The following XKR6 variants were observed in gnomAD, a reference collection of about 807,000 sequenced individuals.
The protein encoded by XKR6 is XK related 6, also known as XK-related protein 6.
XKR6 carries 22 observed loss-of-function variants against 56.7 expected under a neutral mutation model. The observed-to-expected ratio is 0.39, with a 90% CI of 0.28 to 0.55. The LOEUF is 0.55. Among genes scored for constraint, XKR6 ranks in the 20% least tolerant of loss-of-function variants. XKR6 has a pLI of 0.66. For missense variants in XKR6, 852 were observed against 889.0 expected (o/e 0.96, Z 0.53); for synonymous variants, 524 against 387.8 (o/e 1.35, Z -4.13).
intron 1 of XKR6, among the ~76,000 whole-genome samples, chr8:11,122,604 T>G (rs959561852): frequency 6.6e-6 from 1 of 152,250 alleles, no homozygotes; most frequent in African/African-American, 2.4e-5. Flanking sequence ...AATAAGATAT[T>G]CTTTAGATAT....
chr8:11,035,233 C>T (rs768215162), intron 1 of XKR6: 8 of 534,646 alleles, frequency 1.5e-5, no homozygotes, highest in African/African-American at 3.8e-5. Flanking sequence ...ACGATGACAA[C>T]GATGACGTAG....
intron 1 of XKR6, among the ~76,000 whole-genome samples, chr8:10,925,927 C>T (rs1253118871): frequency 2.6e-5 from 4 of 152,154 alleles, no homozygotes; most frequent in South Asian, 2.1e-4. Flanking sequence ...GTGGACAGGG[C>T]TCACCCAGAA....
At chr8:11,086,307 C>A (rs909186250) in intron 1 of XKR6, among the ~76,000 whole-genome samples, 3 of 152,054 alleles carry the variant, frequency 2.0e-5, no homozygotes, top group Non-Finnish European at 4.4e-5. Flanking sequence ...TTGGCCTGAC[C>A]TGCAGGACAT....
chr8:10,945,963 A>T (rs541924520), intron 1 of XKR6, among the ~76,000 whole-genome samples: 1 of 151,958 alleles, frequency 6.6e-6, no homozygotes, highest in African/African-American at 2.4e-5. Flanking sequence ...ACTATATTTG[A>T]TTCCTCTCTA....
intron 1 of XKR6, among the ~76,000 whole-genome samples, chr8:11,151,692 CA>C (rs1443403158): frequency 6.6e-6 from 1 of 150,820 alleles, no homozygotes; most frequent in African/African-American, 2.4e-5. Flanking sequence ...AGTCTTTGAA[CA>C]AGTTTTTTTT....
At chr8:11,141,865 G>C (rs1303915123) in intron 1 of XKR6, among the ~76,000 whole-genome samples, 1 of 152,138 alleles carries the variant, frequency 6.6e-6, no homozygotes, top group African/African-American at 2.4e-5. Context: ...GTGGAGTAGG[G>C]AGCGGGGAGT....
Position 10,924,834 on chromosome 8 carries a change from C to T in XKR6, c.765-4G>A, listed in dbSNP as rs750695601. On this transcript the variant is annotated splice_polypyrimidine_tract_variant and splice_region_variant and intron_variant, in intron 1 of 2. Transcript: ENST00000416569. ...CAGGTACATGGTGCGGATATACCTG[C>T]CCAGAGAGATGGGGAGAACACAGAG... is the stretch of plus-strand genomic sequence containing the variant. 5.6e-6 allele frequency: 9 copies of T among 1,610,380 alleles called. No individual in the cohort carries two copies. Among genetic ancestry groups the T allele is most frequent in the Non-Finnish European group, 7.6e-6 (9 of 1,177,700 alleles).
At chr8:10,971,722 A>T (rs759809953) in intron 1 of XKR6, among the ~76,000 whole-genome samples, 1 of 152,124 alleles carries the variant, frequency 6.6e-6, no homozygotes. Flanking sequence ...TGGGGACACT[A>T]AAGTCCCAAA....
intron 1 of XKR6, among the ~76,000 whole-genome samples, chr8:11,142,599 C>A (rs1800763005): frequency 6.6e-6 from 1 of 152,148 alleles, no homozygotes; most frequent in East Asian, 1.9e-4. Flanking sequence ...TGTGTGGCAT[C>A]CCTGCTCCTT....
At chr8:11,053,019 C>T (rs1799593930) in intron 1 of XKR6, among the ~76,000 whole-genome samples, 1 of 152,172 alleles carries the variant, frequency 6.6e-6, no homozygotes, top group Admixed American at 6.5e-5. Flanking sequence ...GCGCGGGGTC[C>T]AGCCTAGGTG....
At chr8:11,107,962 C>T (rs1243740041) in intron 1 of XKR6, 3 of 300,884 alleles carry the variant, frequency 1.0e-5, no homozygotes, top group African/African-American at 2.3e-5. Context: ...TGATGCTCTT[C>T]CATCTCTCCA....
At chr8:11,144,031 G>T (rs1312577078) in intron 1 of XKR6, among the ~76,000 whole-genome samples, 3 of 151,936 alleles carry the variant, frequency 2.0e-5, no homozygotes, top group Non-Finnish European at 4.4e-5. Context: ...TTAAGAAGTT[G>T]CCAGCCAGAC....
chr8:10,975,096 C>G (rs1385387297), intron 1 of XKR6, among the ~76,000 whole-genome samples: 1 of 152,190 alleles, frequency 6.6e-6, no homozygotes, highest in Non-Finnish European at 1.5e-5. Flanking sequence ...GTTTCTCTCT[C>G]CGGAACACAG....
intron 1 of XKR6, chr8:11,002,441 G>T: frequency 2.4e-6 from 1 of 409,726 alleles, no homozygotes; most frequent in South Asian, 1.9e-5. Context: ...CACAGTGTTT[G>T]CAGTTCTCTT....
At chr8:10,990,521 TG>T (rs1797966283) in intron 1 of XKR6, among the ~76,000 whole-genome samples, 1 of 152,122 alleles carries the variant, frequency 6.6e-6, no homozygotes, top group Admixed American at 6.5e-5. Flanking sequence ...GAGCTGTCCA[TG>T]GACACAACAC....
chr8:10,923,181 C>T (rs929480985), intron 2 of XKR6, among the ~76,000 whole-genome samples: 6 of 152,248 alleles, frequency 3.9e-5, no homozygotes, highest in Non-Finnish European at 7.3e-5. Context: ...TTCCTGAAGC[C>T]TTGTCAAAGG....
chr8:11,175,803 C>CAA (rs1223877013), intron 1 of XKR6, among the ~76,000 whole-genome samples: 1 of 152,136 alleles, frequency 6.6e-6, no homozygotes, highest in Non-Finnish European at 1.5e-5. Context: ...CCATACCTTC[C>CAA]AAAATACACT....
At chr8:10,945,448 C>T (rs1450120275) in intron 1 of XKR6, among the ~76,000 whole-genome samples, 1 of 152,146 alleles carries the variant, frequency 6.6e-6, no homozygotes, top group Non-Finnish European at 1.5e-5. Context: ...GGCGCCACTG[C>T]ACTCCAGCCT....
intron 1 of XKR6, among the ~76,000 whole-genome samples, chr8:11,182,634 G>T (rs939239709): frequency 6.6e-6 from 1 of 152,160 alleles, no homozygotes; most frequent in Non-Finnish European, 1.5e-5. Flanking sequence ...GATTTTGTTT[G>T]TTCGTTCATT....
Sources: allele counts gnomAD v4.1 joint callset (sites outside exome capture counted in the v4.1 genomes callset), GRCh38; gene constraint gnomAD v4.1.1; transcripts MANE v1.5; gene names NCBI Gene and HGNC (gene_info 2026-07-23, HGNC 2026-07-21).